Variants in DCHS2 observed in about 807,000 individuals in gnomAD.
DCHS2 encodes the protein protocadherin-23.
DCHS2 carries 142 observed loss-of-function variants against 182.4 expected under a neutral mutation model. That is an observed-to-expected ratio of 0.78 (90% CI 0.68 to 0.89). The LOEUF (loss-of-function observed/expected upper bound fraction) is 0.89, where lower values mean the gene tolerates loss of function less well. Ranked by LOEUF, DCHS2 falls within the 40% of genes least tolerant of loss-of-function variation. The pLI is 0.00. For synonymous variants in DCHS2, 1,740 were observed against 1,663.3 expected (o/e 1.05, Z -1.12); for missense variants, 4,319 against 4,198.6 (o/e 1.03, Z -0.79).
chr4:154,449,210 C>T (rs1257658261), intron 1 of DCHS2, among the ~76,000 whole-genome samples: 1 of 76,712 alleles, frequency 1.3e-5, no homozygotes, highest in Admixed American at 2.0e-4. Flanking sequence ...CTTAAATATC[C>T]CCAAAATTGA....
intron 1 of DCHS2, among the ~76,000 whole-genome samples, chr4:154,405,636 T>A (rs1374335415): frequency 6.6e-6 from 1 of 152,174 alleles, no homozygotes; most frequent in Non-Finnish European, 1.5e-5. Flanking sequence ...TCCTTTTCAT[T>A]TCTGAATTTC....
chr4:154,389,051 C>G (rs1731550663), intron 1 of DCHS2, among the ~76,000 whole-genome samples: 1 of 152,064 alleles, frequency 6.6e-6, no homozygotes, highest in Non-Finnish European at 1.5e-5. Context: ...GCTGCACAAG[C>G]CATAAAGTCT....
At chr4:154,282,141 C>G (rs574396207) in intron 13 of DCHS2, among the ~76,000 whole-genome samples, 1 of 151,790 alleles carries the variant, frequency 6.6e-6, no homozygotes, top group Non-Finnish European at 1.5e-5. Context: ...GGATATAAGA[C>G]CAAAAGCATA....
At chr4:154,433,174 GAGAGGAAAC>G (rs1451168969) in intron 1 of DCHS2, among the ~76,000 whole-genome samples, 2 of 152,060 alleles carry the variant, frequency 1.3e-5, no homozygotes, top group African/African-American at 2.4e-5. Context: ...TACAGAACCA[GAGAGGAAAC>G]AGGCCATGTG....
chr4:154,486,576 A>T (rs1728596688), intron 1 of DCHS2: 1 of 1,286,142 alleles, frequency 7.8e-7, no homozygotes, highest in African/African-American at 1.5e-5. Flanking sequence ...GTTACAAGGA[A>T]TGTATGTAAT....
At chr4:154,336,605 C>A (rs1728821649) in intron 3 of DCHS2, among the ~76,000 whole-genome samples, 1 of 152,140 alleles carries the variant, frequency 6.6e-6, no homozygotes. Flanking sequence ...ATATAAAAAT[C>A]TGCCCTCTTG....
chr4:154,322,514 T>G (rs768445578), intron 7 of DCHS2, 26 bp from the exon 8 acceptor site: 11 of 1,575,286 alleles, frequency 7.0e-6, no homozygotes, highest in Admixed American at 2.0e-5. Context: ...AATTAAGAAA[T>G]GAATGTTAAT....
At chr4:154,435,617 A>G (rs1456731596) in intron 1 of DCHS2, among the ~76,000 whole-genome samples, 1 of 152,140 alleles carries the variant, frequency 6.6e-6, no homozygotes, top group Non-Finnish European at 1.5e-5. Context: ...AAATTACAGA[A>G]ATTGTAAGAC....
intron 1 of DCHS2, chr4:154,391,438 A>C (rs565603911): frequency 8.1e-7 from 1 of 1,236,830 alleles, no homozygotes; most frequent in Admixed American, 2.8e-5. Context: ...AAAACTAAAA[A>C]TAGGCAGATC....
intron 16 of DCHS2, among the ~76,000 whole-genome samples, chr4:154,254,695 C>T (rs923796869): frequency 5.3e-5 from 8 of 152,028 alleles, no homozygotes; most frequent in Admixed American, 2.0e-4. Flanking sequence ...AAATTAACCA[C>T]GCATGGTGGC....
At chr4:154,379,320 A>G (rs1262966723) in intron 1 of DCHS2, among the ~76,000 whole-genome samples, 6 of 152,214 alleles carry the variant, frequency 3.9e-5, no homozygotes, top group Non-Finnish European at 8.8e-5. Context: ...TGCTCAGCTC[A>G]CATTCCACTG....
intron 2 of DCHS2, chr4:154,374,478 A>G (rs574695528): frequency 6.6e-6 from 1 of 152,386 alleles, no homozygotes; most frequent in East Asian, 1.9e-4. Flanking sequence ...ATAATTACAT[A>G]TACTTGAATT....
Position 154,304,811 on chromosome 4 carries a change from A to G in DCHS2, c.5463T>C (p.Asp1821=). 6.2e-7 allele frequency: 1 copy of G among 1,613,888 alleles called. No homozygotes were observed. The highest frequency in any genetic ancestry group is 1.3e-5 in the African/African-American group (1 of 75,012). The change falls in exon 12 of 20, where the codon GAT becomes GAC. Residue 1821 remains aspartate (D), a synonymous_variant. Transcript: ENST00000357232. The part of the protein sequence containing the change: ...STTTILCTVE[D]ENDHAPEFIV... ...TAAACTCTGGTGCGTGATCGTTTTC[A>G]TCTTCAACAGTGCAGAGGATTGTTG...
Position 154,471,275 on chromosome 4 carries a change from AG to A in DCHS2, c.2052+18028del, listed in dbSNP as rs375594549. On this transcript the variant is annotated intron_variant, in intron 1 of 19. Coordinates refer to ENST00000357232, the MANE Select transcript of DCHS2 (RefSeq NM_001358235.2). ...ACAATGTGTAAAATTACTCATACAA[AG>A]ATTACTCCCTATTATTTGCATATGT... Among the ~76,000 whole-genome samples the A allele has an allele frequency of 3.3e-3, 506 of 152,330 alleles. 1 individual carries two copies. Among genetic ancestry groups the A allele is most frequent in the African/African-American group, 0.011 (477 of 41,556 alleles).
chr4:154,325,521 C>T (rs9637650), intron 7 of DCHS2, among the ~76,000 whole-genome samples: 122,544 of 151,948 alleles, frequency 0.81, 51,953 homozygotes, highest in South Asian at 0.94. Flanking sequence ...CAGTTTTTCT[C>T]CCACCCAAGG....
chr4:154,341,773 G>A (rs904285042), intron 3 of DCHS2, among the ~76,000 whole-genome samples: 6 of 152,076 alleles, frequency 3.9e-5, no homozygotes, highest in Middle Eastern at 3.2e-3. Context: ...TTTTCTGTGC[G>A]TATCCATAGG....
intron 13 of DCHS2, among the ~76,000 whole-genome samples, chr4:154,293,255 T>A (rs1459152926): frequency 6.6e-6 from 1 of 151,856 alleles, no homozygotes; most frequent in South Asian, 2.1e-4. Flanking sequence ...CAGGCTGGAG[T>A]GCAATGGCGT....
intron 8 of DCHS2, among the ~76,000 whole-genome samples, chr4:154,321,928 A>C (rs1278122967): frequency 6.6e-6 from 1 of 152,138 alleles, no homozygotes; most frequent in Admixed American, 6.6e-5. Context: ...TTACTTTTCT[A>C]AATTAAAAAA....
intron 2 of DCHS2, among the ~76,000 whole-genome samples, chr4:154,372,044 T>C (rs577297037): frequency 3.4e-4 from 52 of 152,240 alleles, no homozygotes; most frequent in African/African-American, 1.2e-3. Context: ...ATATGGATAA[T>C]AATAAATGGC....
Sources: gnomAD v4.1 joint callset for allele counts (sites outside exome capture counted in the v4.1 genomes callset) on GRCh38, gnomAD v4.1.1 for gene constraint, MANE v1.5 for transcripts, NCBI Gene and HGNC (gene_info 2026-07-23, HGNC 2026-07-21) for gene names.